The following SPAG16 variants were observed in gnomAD, a reference collection of about 807,000 sequenced individuals.
SPAG16 encodes sperm associated antigen 16, also known as sperm-associated antigen 16 protein.
Under a neutral mutation model 80.4 loss-of-function variants are expected in SPAG16, and 86 were observed. The ratio of observed to expected loss-of-function variants is 1.07; its 90% CI spans 0.90 to 1.28. SPAG16 has a LOEUF of 1.28. SPAG16 is among the 50% of genes most tolerant of loss of function. The pLI, the probability that SPAG16 is intolerant of heterozygous loss-of-function variation, is 0.00. For missense variants in SPAG16, 870 were observed against 765.3 expected, an observed-to-expected ratio of 1.14 and a Z score of -1.61; for synonymous variants, 294 against 265.9, an observed-to-expected ratio of 1.11 and a Z score of -1.03.
At chr2:213,347,146 C>A (rs1163524715) in intron 6 of SPAG16, among the ~76,000 whole-genome samples, 2 of 152,268 alleles carry the variant, frequency 1.3e-5, no homozygotes, top group African/African-American at 4.8e-5. Context: ...TTATCCATTT[C>A]TTCTAGATTT....
chr2:213,381,086 C>CACAGTGTAAGTG (rs76011056), intron 9 of SPAG16, among the ~76,000 whole-genome samples: 3 of 152,024 alleles, frequency 2.0e-5, no homozygotes, highest in African/African-American at 4.8e-5. Context: ...CTGGGCTTAC[C>CACAGTGTAAGTG]GTAAAATAGA....
intron 1 of SPAG16, among the ~76,000 whole-genome samples, chr2:213,285,092 C>T (rs2062006566): frequency 6.6e-6 from 1 of 152,182 alleles, no homozygotes; most frequent in Non-Finnish European, 1.5e-5. Context: ...AACCCACGAT[C>T]CTGTTCGATG....
chr2:214,171,027 T>A (rs1345943994), intron 15 of SPAG16, among the ~76,000 whole-genome samples: 1 of 152,030 alleles, frequency 6.6e-6, no homozygotes, highest in Non-Finnish European at 1.5e-5. Context: ...TGGGATTTGC[T>A]GAAGGGTGTC....
At chr2:213,822,924 G>T (rs2073039792) in intron 10 of SPAG16, among the ~76,000 whole-genome samples, 1 of 152,148 alleles carries the variant, frequency 6.6e-6, no homozygotes, top group Non-Finnish European at 1.5e-5. Flanking sequence ...TTTTATGGCT[G>T]CATAGTATTC....
At chr2:213,331,368 G>A (rs974247443) in intron 5 of SPAG16, among the ~76,000 whole-genome samples, 3 of 152,178 alleles carry the variant, frequency 2.0e-5, no homozygotes, top group African/African-American at 7.2e-5. Flanking sequence ...TAATGATAGA[G>A]CAGTCAGTTC....
intron 11 of SPAG16, among the ~76,000 whole-genome samples, chr2:213,869,800 A>T (rs2075878743): frequency 6.6e-6 from 1 of 152,166 alleles, no homozygotes; most frequent in African/African-American, 2.4e-5. Flanking sequence ...TTTTAGCTTT[A>T]TACACATTTA....
intron 10 of SPAG16, among the ~76,000 whole-genome samples, chr2:213,767,655 T>TCACAAACACACA (rs2069010452): frequency 6.8e-6 from 1 of 147,666 alleles, no homozygotes. Context: ...ACAACATACT[T>TCACAAACACACA]CACACACACA....
intron 9 of SPAG16, among the ~76,000 whole-genome samples, chr2:213,457,798 A>G (rs547269035): frequency 3.9e-5 from 6 of 152,286 alleles, no homozygotes; most frequent in Middle Eastern, 3.4e-3. Flanking sequence ...AACATTTAGT[A>G]TACTTACATT....
intron 15 of SPAG16, among the ~76,000 whole-genome samples, chr2:214,346,930 C>A (rs926347512): frequency 1.3e-5 from 2 of 152,144 alleles, no homozygotes; most frequent in African/African-American, 4.8e-5. Flanking sequence ...TTCATAAAAT[C>A]ATGAATCATA....
At chr2:214,238,568 G>A (rs1689235330) in intron 15 of SPAG16, 1 of 151,148 alleles carries the variant, frequency 6.6e-6, no homozygotes, top group African/African-American at 2.4e-5. Context: ...AGTAATATAT[G>A]CTGAAGATAC....
intron 15 of SPAG16, among the ~76,000 whole-genome samples, chr2:214,155,608 G>T (rs567495295): frequency 6.6e-6 from 1 of 152,186 alleles, no homozygotes; most frequent in South Asian, 2.1e-4. Flanking sequence ...GAGAAGCTAG[G>T]AAGACAGACA....
intron 5 of SPAG16, among the ~76,000 whole-genome samples, chr2:213,319,779 GAAT>G (rs2063541008): frequency 6.6e-6 from 1 of 151,914 alleles, no homozygotes; most frequent in African/African-American, 2.4e-5. Context: ...GTTGTTTGTT[GAAT>G]ATTATGTTTA....
intron 15 of SPAG16, among the ~76,000 whole-genome samples, chr2:214,328,022 T>G (rs1294630727): frequency 1.3e-5 from 2 of 152,206 alleles, no homozygotes; most frequent in Non-Finnish European, 2.9e-5. Context: ...TCCTAGAGGC[T>G]CTATGATAGG....
intron 9 of SPAG16, among the ~76,000 whole-genome samples, chr2:213,475,610 T>C (rs1451912315): frequency 2.0e-5 from 3 of 152,166 alleles, no homozygotes; most frequent in Admixed American, 1.3e-4. Context: ...GTTGTGAGTA[T>C]GACCTTCCCC....
At chr2:213,858,097 G>A (rs1234279350) in intron 10 of SPAG16, among the ~76,000 whole-genome samples, 1 of 152,096 alleles carries the variant, frequency 6.6e-6, no homozygotes, top group Non-Finnish European at 1.5e-5. Flanking sequence ...TCTACTCCTG[G>A]GTGAAGATGC....
At chr2:213,508,504 G>A (rs951996098) in intron 10 of SPAG16, among the ~76,000 whole-genome samples, 22 of 152,144 alleles carry the variant, frequency 1.4e-4, no homozygotes, top group South Asian at 4.1e-4. Flanking sequence ...CCCGGGAAGC[G>A]GAGCTTGCAG....
rs190776901 is a variant in SPAG16 at position 214,296,190 on chromosome 2, A to G, written c.1721-113950A>G. On this transcript the variant is annotated intron_variant, in intron 15 of 15. Coordinates refer to ENST00000331683, the MANE Select transcript of SPAG16 (RefSeq NM_024532.5). ...TTTCTGAGTTATTTCACTTAGAATA[A>G]TGGCCCCCAACTTTACTCATGTAGC... is the stretch of plus-strand genomic sequence containing the variant. Among the ~76,000 whole-genome samples the G allele has an allele frequency of 4.6e-5, 7 of 152,348 alleles. No homozygotes were observed. The East Asian group carries it at 1.2e-3, about 25-fold the overall frequency.
intron 5 of SPAG16, among the ~76,000 whole-genome samples, chr2:213,323,690 G>A (rs1017766051): frequency 8.5e-5 from 13 of 152,130 alleles, no homozygotes; most frequent in Non-Finnish European, 1.6e-4. Flanking sequence ...GTTCATTACA[G>A]CATTATTCAC....
chr2:213,482,939 T>C (rs2073822227), intron 9 of SPAG16, among the ~76,000 whole-genome samples: 2 of 152,192 alleles, frequency 1.3e-5, no homozygotes, highest in South Asian at 4.1e-4. Context: ...CATTAATTCC[T>C]TATAGAAAAA....
Sources: gnomAD v4.1 joint callset for allele counts (sites outside exome capture counted in the v4.1 genomes callset) on GRCh38, gnomAD v4.1.1 for gene constraint, MANE v1.5 for transcripts, NCBI Gene and HGNC (gene_info 2026-07-23, HGNC 2026-07-21) for gene names.